Variants in IER3IP1 observed in about 807,000 individuals in gnomAD.
IER3IP1 encodes immediate early response 3-interacting protein 1.
Under a neutral mutation model 12.2 loss-of-function variants are expected in IER3IP1, and 16 were observed. That is an observed-to-expected ratio of 1.31 (90% CI 0.89 to 1.99). The LOEUF (loss-of-function observed/expected upper bound fraction) is 1.99. Among genes scored for constraint, IER3IP1 ranks in the 30% most tolerant of loss-of-function variants. The pLI is 0.00. For missense variants in IER3IP1, 95 were observed against 95.8 expected, an observed-to-expected ratio of 0.99 and a Z score of 0.03; for synonymous variants, 42 against 40.0, an observed-to-expected ratio of 1.05 and a Z score of -0.19.
intron 1 of IER3IP1, among the ~76,000 whole-genome samples, chr18:47,162,182 T>G (rs2063982020): frequency 6.6e-6 from 1 of 152,112 alleles, no homozygotes; most frequent in Non-Finnish European, 1.5e-5. Flanking sequence ...TTAGGAAAAT[T>G]ATTCTGGAAA....
chr18:47,156,699 AT>A (rs1446818179), intron 2 of IER3IP1, among the ~76,000 whole-genome samples: 1 of 151,942 alleles, frequency 6.6e-6, no homozygotes, highest in East Asian at 1.9e-4. Context: ...TAAATAAAAG[AT>A]TTTTGAACTC....
chr18:47,158,890 G>A (rs1002254002), intron 1 of IER3IP1, among the ~76,000 whole-genome samples: 4 of 152,064 alleles, frequency 2.6e-5, no homozygotes, highest in Non-Finnish European at 5.9e-5. Context: ...GAACCTGGGG[G>A]AGGTTAAGGC....
intron 1 of IER3IP1, among the ~76,000 whole-genome samples, chr18:47,166,935 AAC>A (rs753464451): frequency 3.3e-5 from 5 of 152,192 alleles, no homozygotes; most frequent in Non-Finnish European, 7.3e-5. Context: ...CCACATTCAA[AAC>A]ACATTCTCAG....
At position 47,172,543 on chromosome 18, in the gene IER3IP1, T is replaced by C. The variant is rs1010321722; in HGVS notation, c.91+3644A>G. 6.6e-6 allele frequency among the ~76,000 whole-genome samples: 1 copy of C among 152,074 alleles called. No homozygotes were observed. Among genetic ancestry groups the C allele is most frequent in the African/African-American group, 2.4e-5 (1 of 41,348 alleles). On this transcript the variant is annotated intron_variant, in intron 1 of 2. Coordinates refer to ENST00000256433, the MANE Select transcript of IER3IP1 (RefSeq NM_016097.5). This position sits in a 1 kb window ranked among gnomAD's most constrained non-coding sequence, Gnocchi z 4.0. Reference sequence around the variant, plus strand: ...AGATAGTACCCAACCGTATATGTAGTGTATTTTTTTCAATCTGATAACCAA... The same window carrying C: ...AGATAGTACCCAACCGTATATGTAGCGTATTTTTTTCAATCTGATAACCAA...
intron 1 of IER3IP1, among the ~76,000 whole-genome samples, chr18:47,159,794 T>C (rs58061761): frequency 0.052 from 7,966 of 152,154 alleles, 252 homozygotes; most frequent in East Asian, 0.092. Flanking sequence ...TTTTAGGACA[T>C]GGCTCTCCTC....
At chr18:47,157,340 A>C in intron 2 of IER3IP1, 96 bp downstream of exon 2, 1 of 1,000,976 alleles carries the variant, frequency 1.0e-6, no homozygotes. Flanking sequence ...AAAAATTCCC[A>C]CTACAAATGG....
At chr18:47,174,759 A>T (rs1461093242) in intron 1 of IER3IP1, among the ~76,000 whole-genome samples, 1 of 151,870 alleles carries the variant, frequency 6.6e-6, no homozygotes, top group African/African-American at 2.4e-5. Flanking sequence ...TGCAAATAAC[A>T]CAAATCTGGT....
chr18:47,171,501 T>G (rs927872969), intron 1 of IER3IP1, among the ~76,000 whole-genome samples: 1 of 152,226 alleles, frequency 6.6e-6, no homozygotes, highest in African/African-American at 2.4e-5. Context: ...CTTGACTTCA[T>G]GAGAAGTTTT....
At position 47,155,151 on chromosome 18, in the gene IER3IP1, G is replaced by A. The variant is rs1199191789; in HGVS notation, c.*1026C>T. ...AATTTCCATAAAAACCATTTACATA[G>A]TTTCAACCTTTCTGCATAAAACTGT... On this transcript the variant is annotated 3_prime_UTR_variant, in exon 3 of 3. Transcript: ENST00000256433. The A allele has an allele frequency of 6.6e-6, 1 of 152,092 alleles. No homozygotes were observed. The highest frequency in any genetic ancestry group is 2.4e-5 in the African/African-American group (1 of 41,408). 9.4% of individuals were successfully genotyped at this position (152,092 alleles called of 1,614,324 possible).
Position 47,176,168 on chromosome 18 carries a change from GCCCCGC to G in IER3IP1, c.91+13_91+18del, listed in dbSNP as rs780218299. ...GGACTCCGCCGCCGCCCCAGCCCGC[GCCCCGC>G]GGTCCCACTCACTGTTCTTGAGGAA... On this transcript the variant is annotated intron_variant, in intron 1 of 2. Coordinates refer to ENST00000256433, the MANE Select transcript of IER3IP1 (RefSeq NM_016097.5). The G allele has an allele frequency of 2.4e-5, 38 of 1,573,164 alleles. No homozygotes were observed. In the South Asian group the frequency reaches 3.4e-4, roughly 14 times the overall value.
intron 1 of IER3IP1, 134 bp downstream of exon 1, chr18:47,176,053 G>A: frequency 1.3e-6 from 1 of 761,496 alleles, no homozygotes; most frequent in Non-Finnish European, 2.3e-6. Flanking sequence ...GGAAAGGCTC[G>A]GCTTCCACTC....
intron 1 of IER3IP1, among the ~76,000 whole-genome samples, chr18:47,165,325 G>A (rs558562906): frequency 9.9e-5 from 15 of 152,232 alleles, no homozygotes; most frequent in African/African-American, 3.4e-4. Flanking sequence ...GGCCAAGGCG[G>A]GCAGATCACT....
chr18:47,175,311 C>T (rs1329942740), intron 1 of IER3IP1, among the ~76,000 whole-genome samples: 1 of 152,196 alleles, frequency 6.6e-6, no homozygotes, highest in African/African-American at 2.4e-5. Flanking sequence ...TTTCTTGGAA[C>T]ATGAGTGTCT....
At chr18:47,159,423 A>T (rs1001512202) in intron 1 of IER3IP1, among the ~76,000 whole-genome samples, 5 of 152,248 alleles carry the variant, frequency 3.3e-5, no homozygotes, top group Admixed American at 3.3e-4. Context: ...CACAATGCCT[A>T]AACACAAAGT....
At chr18:47,156,789 G>GTTTTTT in intron 2 of IER3IP1, 1 of 126,538 alleles carries the variant, frequency 7.9e-6, no homozygotes. Context: ...TTTCTTTTCT[G>GTTTTTT]GTTTTTTTTT....
At chr18:47,161,795 G>C (rs1304996411) in intron 1 of IER3IP1, among the ~76,000 whole-genome samples, 1 of 151,708 alleles carries the variant, frequency 6.6e-6, no homozygotes, top group Non-Finnish European at 1.5e-5. Context: ...AATACATACT[G>C]TAATAATTAT....
rs536988795 is a variant in IER3IP1 at position 47,156,203 on chromosome 18, T to C, written c.223A>G (p.Ile75Val). 2.2e-5 allele frequency: 34 copies of C among 1,571,462 alleles called. No individual in the cohort carries two copies. The Admixed American group carries it at 4.2e-4, about 19-fold the overall frequency. Reference protein sequence around the residue: ...VPLIIVNSIAIVLLLLFG With the variant: ...VPLIIVNSIAVVLLLLFG ...CATCCAAATAATAAAAGTAACACAA[T>C]TGCAATTGAGTTTACTATTATCAAT... is the stretch of plus-strand genomic sequence containing the variant. The change falls in exon 3 of 3, where the codon ATT becomes GTT. Residue 75 changes from isoleucine to valine, a missense_variant. By Grantham distance (29) the Ile-to-Val change is conservative (BLOSUM62 3). Coordinates refer to ENST00000256433, the MANE Select transcript of IER3IP1 (RefSeq NM_016097.5).
chr18:47,170,421 G>C (rs899001681), intron 1 of IER3IP1, among the ~76,000 whole-genome samples: 3 of 151,964 alleles, frequency 2.0e-5, no homozygotes, highest in Non-Finnish European at 4.4e-5. Flanking sequence ...CAACTCATCA[G>C]TTTCTTCAAA....
chr18:47,173,369 CAT>C (rs959604739), intron 1 of IER3IP1, among the ~76,000 whole-genome samples: 2 of 152,088 alleles, frequency 1.3e-5, no homozygotes, highest in Non-Finnish European at 1.5e-5. Context: ...TCCTTCGAGA[CAT>C]AGTCTTGCTC....
Sources: gnomAD v4.1 joint callset for allele counts (sites outside exome capture counted in the v4.1 genomes callset) on GRCh38, gnomAD v4.1.1 for gene constraint, Gnocchi (gnomAD v3.1) non-coding constraint, MANE v1.5 for transcripts, NCBI Gene and HGNC (gene_info 2026-07-23, HGNC 2026-07-21) for gene names.